FSTL5: variants seen among roughly 807,000 people sequenced by gnomAD.
The protein encoded by FSTL5 is follistatin like 5, also known as follistatin-related protein 5.
A neutral mutation model predicts 89.1 loss-of-function variants in FSTL5; 62 were observed. The observed-to-expected ratio is 0.70, with a 90% CI of 0.57 to 0.86. FSTL5 has a LOEUF of 0.86. FSTL5 is among the 40% of genes least tolerant of loss of function. The pLI, the probability that FSTL5 is intolerant of heterozygous loss-of-function variation, is 0.00. For missense variants in FSTL5, 1,057 were observed against 1,001.6 expected, an observed-to-expected ratio of 1.06 and a Z score of -0.75; for synonymous variants, 383 against 346.2, an observed-to-expected ratio of 1.11 and a Z score of -1.18.
chr4:161,759,170 C>T (rs1384224767), intron 6 of FSTL5, among the ~76,000 whole-genome samples: 1 of 152,170 alleles, frequency 6.6e-6, no homozygotes, highest in Non-Finnish European at 1.5e-5. Context: ...ATGTCTTAAA[C>T]TATAATCAAT....
chr4:161,718,556 G>T (rs879470292), intron 6 of FSTL5, among the ~76,000 whole-genome samples: 1 of 151,960 alleles, frequency 6.6e-6, no homozygotes, highest in Non-Finnish European at 1.5e-5. Context: ...AGCCTCCCAA[G>T]TAGCTGTGAC....
chr4:161,518,365 T>G (rs1730911693), intron 10 of FSTL5, among the ~76,000 whole-genome samples: 1 of 152,142 alleles, frequency 6.6e-6, no homozygotes, highest in Non-Finnish European at 1.5e-5. Context: ...GCTTTAAGGA[T>G]GCATAGCAAA....
At chr4:161,703,973 A>T (rs192953921) in intron 6 of FSTL5, among the ~76,000 whole-genome samples, 1 of 152,176 alleles carries the variant, frequency 6.6e-6, no homozygotes, top group Non-Finnish European at 1.5e-5. Flanking sequence ...AACCATAAAG[A>T]CCCCACTCTA....
chr4:161,895,215 C>T (rs187543611), intron 4 of FSTL5, among the ~76,000 whole-genome samples: 21 of 152,222 alleles, frequency 1.4e-4, no homozygotes, highest in Non-Finnish European at 8.8e-5. Flanking sequence ...AACTACACTG[C>T]TTTTAATTAT....
intron 15 of FSTL5, among the ~76,000 whole-genome samples, chr4:161,394,755 A>G (rs998955876): frequency 1.1e-4 from 17 of 152,172 alleles, no homozygotes; most frequent in African/African-American, 3.9e-4. Flanking sequence ...ATGTTTAGAA[A>G]TTTATCTGGA....
chr4:161,852,817 T>C (rs1025182178), intron 4 of FSTL5, among the ~76,000 whole-genome samples: 2 of 151,988 alleles, frequency 1.3e-5, no homozygotes, highest in Non-Finnish European at 2.9e-5. Context: ...TGCAGGGACA[T>C]GGATGGAGCT....
chr4:161,835,917 C>A (rs567107236), intron 4 of FSTL5, among the ~76,000 whole-genome samples: 67 of 151,324 alleles, frequency 4.4e-4, no homozygotes, highest in African/African-American at 1.6e-3. Context: ...GGATCTAGAA[C>A]TAGAAATACC....
In FSTL5 at chr4:161,709,250, A is replaced by G. The variant is rs1010425241; in HGVS notation, c.727+50161T>C. On this transcript the variant is annotated intron_variant, in intron 6 of 15. Coordinates refer to ENST00000306100, the MANE Select transcript of FSTL5 (RefSeq NM_020116.5). ...AATCATTTAATACTTAACATATATC[A>G]CATAAATTTAAAAATTCAATATTGA... 9.9e-5 allele frequency among the ~76,000 whole-genome samples: 15 copies of G among 152,244 alleles called. No homozygotes were observed. The East Asian group carries it at 2.1e-3, about 22-fold the overall frequency.
Position 161,920,463 on chromosome 4 carries a change from G to T in FSTL5, c.350C>A (p.Ala117Asp), listed in dbSNP as rs769789513. The T allele has an allele frequency of 1.4e-5, 23 of 1,613,798 alleles. No homozygotes were observed. Among genetic ancestry groups the T allele is most frequent in the Middle Eastern group, 1.6e-4 (1 of 6,082 alleles). ...FYENHCEVHRAACLKKQKITI... is the reference protein window; with the variant it reads ...FYENHCEVHRDACLKKQKITI... Reference sequence around the variant, plus strand: ...AATCTTTTGTTTTTTCAGGCAAGCAGCTCTGTGCACTTCACAGTGGTTTTC... The same window carrying T: ...AATCTTTTGTTTTTTCAGGCAAGCATCTCTGTGCACTTCACAGTGGTTTTC... The change falls in exon 4 of 16, where the codon GCT becomes GAT. Residue 117 changes from alanine to aspartate, a missense_variant. Ala to Asp is a moderately radical substitution (Grantham distance 126, BLOSUM62 -2). Coordinates refer to ENST00000306100, the MANE Select transcript of FSTL5 (RefSeq NM_020116.5).
chr4:161,510,275 A>C, intron 11 of FSTL5, 123 bp downstream of exon 11: 1 of 673,478 alleles, frequency 1.5e-6, no homozygotes, highest in Non-Finnish European at 2.5e-6. Context: ...ATATTGAAAT[A>C]CCATCAATTA....
chr4:162,130,348 A>G (rs1322621069), intron 1 of FSTL5, among the ~76,000 whole-genome samples: 5 of 152,044 alleles, frequency 3.3e-5, no homozygotes, highest in Non-Finnish European at 1.5e-5. Flanking sequence ...AAAATTGCAT[A>G]TAGTCTTTTA....
At chr4:162,100,530 A>T (rs1379118865) in intron 2 of FSTL5, among the ~76,000 whole-genome samples, 1 of 152,232 alleles carries the variant, frequency 6.6e-6, no homozygotes, top group African/African-American at 2.4e-5. Flanking sequence ...AAAGATGAAG[A>T]GGCAAAGCAC....
chr4:161,630,646 A>G (rs1023379572), intron 7 of FSTL5, among the ~76,000 whole-genome samples: 2 of 152,234 alleles, frequency 1.3e-5, no homozygotes, highest in Non-Finnish European at 2.9e-5. Flanking sequence ...TGTCTCCACA[A>G]AGATGAATAA....
intron 7 of FSTL5, among the ~76,000 whole-genome samples, chr4:161,650,500 T>C (rs547098024): frequency 1.1e-4 from 17 of 152,286 alleles, no homozygotes; most frequent in African/African-American, 4.1e-4. Flanking sequence ...TGTAGAGTGG[T>C]TGAGTTATAA....
At chr4:161,522,432 G>T (rs1445099969) in intron 10 of FSTL5, among the ~76,000 whole-genome samples, 2 of 151,974 alleles carry the variant, frequency 1.3e-5, no homozygotes, top group Non-Finnish European at 2.9e-5. Context: ...AAGACTTTGA[G>T]AATAGGATAT....
chr4:162,160,087 T>A (rs189689237), intron 1 of FSTL5, among the ~76,000 whole-genome samples: 2 of 151,212 alleles, frequency 1.3e-5, no homozygotes, highest in East Asian at 1.9e-4. Context: ...AGAATTTACA[T>A]ATATATGTGT....
At chr4:161,519,524 T>TCAAAACAAAA (rs112732857) in intron 10 of FSTL5, among the ~76,000 whole-genome samples, 2,400 of 151,722 alleles carry the variant, frequency 0.016, 41 homozygotes, top group Non-Finnish European at 0.021. Flanking sequence ...AGACTCTATC[T>TCAAAACAAAA]CAAAACAAAA....
chr4:161,925,978 T>G (rs1474760002), intron 3 of FSTL5, among the ~76,000 whole-genome samples: 1 of 151,940 alleles, frequency 6.6e-6, no homozygotes, highest in Non-Finnish European at 1.5e-5. Flanking sequence ...TAGAATTAAG[T>G]ATAATATTTT....
At chr4:162,099,232 T>C (rs1730888991) in intron 2 of FSTL5, among the ~76,000 whole-genome samples, 1 of 152,080 alleles carries the variant, frequency 6.6e-6, no homozygotes, top group African/African-American at 2.4e-5. Flanking sequence ...AGTGTCTACA[T>C]ACATCCAAGG....
Sources: allele counts gnomAD v4.1 joint callset (sites outside exome capture counted in the v4.1 genomes callset), GRCh38; gene constraint gnomAD v4.1.1; transcripts MANE v1.5; gene names NCBI Gene and HGNC (gene_info 2026-07-23, HGNC 2026-07-21).